Variants in SYNE2 observed in about 807,000 individuals in gnomAD.
SYNE2 encodes nesprin-2.
SYNE2 carries 431 observed loss-of-function variants against 856.3 expected under a neutral mutation model. The observed-to-expected ratio is 0.50, with a 90% CI of 0.47 to 0.55. The LOEUF (loss-of-function observed/expected upper bound fraction) is 0.55, where lower values mean the gene tolerates loss of function less well. Ranked by LOEUF, SYNE2 falls within the 20% of genes least tolerant of loss-of-function variation. SYNE2 has a pLI of 0.00. For synonymous variants in SYNE2, 2,923 were observed against 2,872.3 expected (o/e 1.02, Z -0.56); for missense variants, 8,129 against 8,023.2 (o/e 1.01, Z -0.50).
intron 7 of SYNE2, 43 bp downstream of exon 7, chr14:63,950,049 G>A (rs1448997825): frequency 2.5e-6 from 4 of 1,604,762 alleles, no homozygotes; most frequent in Admixed American, 3.3e-5. Flanking sequence ...CAGGGCAGCT[G>A]TATCAACCAA....
chr14:63,984,757 T>C (rs1027487434), intron 18 of SYNE2, among the ~76,000 whole-genome samples: 1 of 152,252 alleles, frequency 6.6e-6, no homozygotes, highest in African/African-American at 2.4e-5. Flanking sequence ...CCTACTGGCA[T>C]GATGGAGTGC....
intron 67 of SYNE2, among the ~76,000 whole-genome samples, chr14:64,120,219 G>C (rs1595658500): frequency 6.6e-6 from 1 of 152,140 alleles, no homozygotes; most frequent in East Asian, 1.9e-4. Flanking sequence ...CAGATACATA[G>C]GCCATATGGT....
chr14:63,897,148 G>T (rs2095265598), intron 1 of SYNE2, among the ~76,000 whole-genome samples: 1 of 152,168 alleles, frequency 6.6e-6, no homozygotes. Flanking sequence ...AGCTACTTGG[G>T]AGGCTGAGGC....
chr14:63,974,903 T>TATATATAC (rs2096528463), intron 11 of SYNE2, among the ~76,000 whole-genome samples: 1 of 41,156 alleles, frequency 2.4e-5, no homozygotes, highest in Admixed American at 2.3e-4. Context: ...TATATATATA[T>TATATATAC]ATATATATAT....
Position 64,225,523 on chromosome 14 carries a change from A to G in SYNE2, c.20721A>G (p.Thr6907=), listed in dbSNP as rs886050601. The change falls in exon 116 of 116, where the codon ACA becomes ACG. Residue 6907 remains threonine (T), a synonymous_variant. Coordinates refer to ENST00000555002, the MANE Select transcript of SYNE2 (RefSeq NM_182914.3). ...GGTACACCAATGGGCCACCCCCCAC[A>G]TAGAGGGCATAGCTGGCCACAGTGC... ...MLRYTNGPPP[T] The G allele has an allele frequency of 6.2e-7, 1 of 1,613,834 alleles. No individual in the cohort carries two copies. The highest frequency in any genetic ancestry group is 8.5e-7 in the Non-Finnish European group (1 of 1,179,856).
At chr14:63,906,438 CTTTTTT>C (rs1566766863) in intron 1 of SYNE2, among the ~76,000 whole-genome samples, 1 of 152,082 alleles carries the variant, frequency 6.6e-6, no homozygotes, top group East Asian at 1.9e-4. Context: ...TGGTCCAGAG[CTTTTTT>C]TGGTTGGTAG....
rs546274114 is a variant in SYNE2, at chr14:64,133,072, G to A, written c.14514+634G>A. Among the ~76,000 whole-genome samples the A allele has an allele frequency of 2.9e-4, 44 of 152,148 alleles. 1 individual carries two copies. The highest frequency in any genetic ancestry group is 7.9e-4 in the Admixed American group (12 of 15,282). On this transcript the variant is annotated intron_variant, in intron 77 of 115. Transcript: ENST00000555002. ...AAAAAAAAAATTAGCTGGGCGTGGT[G>A]GTGGGCGCCTGTAGTCCCAGCTACT...
chr14:63,885,981 T>G (rs1278889969), intron 1 of SYNE2, among the ~76,000 whole-genome samples: 1 of 152,210 alleles, frequency 6.6e-6, no homozygotes, highest in Non-Finnish European at 1.5e-5. Context: ...ATGCTGATTT[T>G]CTTAATTGGA....
At chr14:63,780,502 C>G (rs1163496759) in intron 1 of SYNE2, among the ~76,000 whole-genome samples, 2 of 152,050 alleles carry the variant, frequency 1.3e-5, no homozygotes, top group African/African-American at 4.8e-5. Flanking sequence ...CCACTGTATT[C>G]CAGCCCGGGC....
intron 63 of SYNE2, chr14:64,099,031 A>T: frequency 1.8e-6 from 1 of 566,664 alleles, no homozygotes; most frequent in Non-Finnish European, 3.2e-6. Context: ...AATGTAATTC[A>T]GACACTCTTG....
intron 69 of SYNE2, 50 bp from the exon 70 acceptor site, chr14:64,122,236 A>G (rs1420827718): frequency 3.1e-6 from 5 of 1,614,136 alleles, no homozygotes; most frequent in Non-Finnish European, 4.2e-6. Context: ...AATGTAATAC[A>G]AAATGTTTAG....
chr14:64,038,875 A>ACCGTG (rs11283434), intron 45 of SYNE2, among the ~76,000 whole-genome samples: 2 of 12,996 alleles, frequency 1.5e-4, no homozygotes, highest in Admixed American at 1.5e-3. Flanking sequence ...GGAGAGGGAG[A>ACCGTG]GGGAGAGGGA....
intron 96 of SYNE2, among the ~76,000 whole-genome samples, chr14:64,182,859 C>T (rs1439817368): frequency 6.6e-6 from 1 of 152,256 alleles, no homozygotes. Flanking sequence ...TTTGACAAAA[C>T]CGCCATAGTC....
chr14:63,796,282 A>G (rs1195745455), intron 1 of SYNE2, among the ~76,000 whole-genome samples: 2 of 152,212 alleles, frequency 1.3e-5, no homozygotes, highest in Admixed American at 6.5e-5. Flanking sequence ...AACATGGTGA[A>G]ACCCCATCTC....
intron 66 of SYNE2, among the ~76,000 whole-genome samples, chr14:64,116,987 C>T (rs2097857857): frequency 1.3e-5 from 2 of 152,164 alleles, no homozygotes; most frequent in Admixed American, 1.3e-4. Flanking sequence ...TCTATGGGTA[C>T]ATATTGTTTA....
At chr14:64,218,769 C>A (rs1012097680) in intron 109 of SYNE2, among the ~76,000 whole-genome samples, 2 of 152,260 alleles carry the variant, frequency 1.3e-5, no homozygotes, top group South Asian at 2.1e-4. Flanking sequence ...TTTTCACTTT[C>A]TATATTTGTG....
intron 1 of SYNE2, among the ~76,000 whole-genome samples, chr14:63,783,121 C>T (rs1446635483): frequency 1.3e-5 from 2 of 151,912 alleles, no homozygotes; most frequent in Non-Finnish European, 2.9e-5. Flanking sequence ...AGGGAGAGAC[C>T]GGGTGGAGGT....
At chr14:63,837,064 A>C (rs534772187) in intron 1 of SYNE2, among the ~76,000 whole-genome samples, 1 of 152,358 alleles carries the variant, frequency 6.6e-6, no homozygotes, top group East Asian at 1.9e-4. Context: ...ACAACAAGAA[A>C]TGCTAAGGGA....
intron 99 of SYNE2, chr14:64,196,894 C>G (rs1042696339): frequency 6.6e-6 from 1 of 152,230 alleles, no homozygotes; most frequent in Non-Finnish European, 1.5e-5. Context: ...TGTCTTCCTT[C>G]CCGCTGGCAT....
Sources: gnomAD v4.1 joint callset for allele counts (sites outside exome capture counted in the v4.1 genomes callset) on GRCh38, gnomAD v4.1.1 for gene constraint, MANE v1.5 for transcripts, NCBI Gene and HGNC (gene_info 2026-07-23, HGNC 2026-07-21) for gene names.